Variants in SAMD5 observed in about 807,000 individuals in gnomAD.
The protein encoded by SAMD5 is sterile alpha motif domain-containing protein 5.
A neutral mutation model predicts 11.3 loss-of-function variants in SAMD5; 13 were observed. The observed-to-expected ratio is 1.15, with a 90% confidence interval of 0.75 to 1.83. The LOEUF (loss-of-function observed/expected upper bound fraction) is 1.83. Ranked by LOEUF, SAMD5 falls within the 40% of genes most tolerant of loss-of-function variation. The pLI, the probability that SAMD5 is intolerant of heterozygous loss-of-function variation, is 0.00. For synonymous variants in SAMD5, 129 were observed against 111.3 expected, an observed-to-expected ratio of 1.16 and a Z score of -1.00; for missense variants, 255 against 239.1, an observed-to-expected ratio of 1.07 and a Z score of -0.44.
chr6:147,848,040 T>C, the SAMD5 span, among the ~76,000 whole-genome samples: 1 of 152,304 alleles, frequency 6.6e-6, no homozygotes, highest in East Asian at 1.9e-4. Context: ...CATAAAATTA[T>C]TTTTCCATAA....
intron 1 of SAMD5, among the ~76,000 whole-genome samples, chr6:147,512,147 G>A (rs1260676950): frequency 3.3e-5 from 5 of 152,076 alleles, no homozygotes; most frequent in African/African-American, 1.2e-4. Flanking sequence ...TAGTAGAGAC[G>A]GGGTTTCACC....
At chr6:147,916,884 A>G in the SAMD5 span, among the ~76,000 whole-genome samples, 1 of 150,360 alleles carries the variant, frequency 6.7e-6, no homozygotes, top group African/African-American at 2.5e-5. Context: ...AAGGACATGA[A>G]CTCATCATTT....
the SAMD5 span, among the ~76,000 whole-genome samples, chr6:147,846,326 T>C: frequency 4.6e-5 from 7 of 152,294 alleles, no homozygotes; most frequent in South Asian, 1.5e-3. Context: ...GCCATGTATT[T>C]AATTAAATTG....
At chr6:147,940,325 AG>A in the SAMD5 span, among the ~76,000 whole-genome samples, 1 of 151,454 alleles carries the variant, frequency 6.6e-6, no homozygotes, top group African/African-American at 2.4e-5. Context: ...AATGTAGTTT[AG>A]GGGGTGGAAT....
At chr6:147,916,095 T>C in the SAMD5 span, among the ~76,000 whole-genome samples, 11 of 152,134 alleles carry the variant, frequency 7.2e-5, no homozygotes, top group African/African-American at 2.4e-4. Context: ...TCATTTTTTA[T>C]GGCTGCATAG....
At chr6:147,945,714 A>G in the SAMD5 span, among the ~76,000 whole-genome samples, 10 of 152,282 alleles carry the variant, frequency 6.6e-5, no homozygotes, top group African/African-American at 2.2e-4. Flanking sequence ...CAGGAACGTT[A>G]GCCCCACCTT....
the SAMD5 span, among the ~76,000 whole-genome samples, chr6:147,841,892 T>C: frequency 6.6e-6 from 1 of 152,082 alleles, no homozygotes; most frequent in Non-Finnish European, 1.5e-5. Context: ...CAAAAGACAA[T>C]GAACATGGCT....
chr6:147,795,346 C>G, the SAMD5 span, among the ~76,000 whole-genome samples: 28,918 of 132,112 alleles, frequency 0.22, 3,686 homozygotes, highest in African/African-American at 0.36. Context: ...ATAGTTTACT[C>G]AGAATGATGG....
chr6:147,681,847 TGAGGTGTTACAC>T (rs1463891683), intron 1 of SAMD5, among the ~76,000 whole-genome samples: 1 of 152,188 alleles, frequency 6.6e-6, no homozygotes, highest in Non-Finnish European at 1.5e-5. Flanking sequence ...CCATGAGCTA[TGAGGTGTTACAC>T]TCTGGCTGGT....
the SAMD5 span, among the ~76,000 whole-genome samples, chr6:147,867,609 C>T: frequency 2.1e-4 from 32 of 152,230 alleles, no homozygotes; most frequent in South Asian, 8.3e-4. Context: ...TGCAATCAGC[C>T]GAGGCCAAGG....
At chr6:147,780,012 T>C in the SAMD5 span, among the ~76,000 whole-genome samples, 7 of 152,112 alleles carry the variant, frequency 4.6e-5, no homozygotes, top group Non-Finnish European at 1.0e-4. Flanking sequence ...TCATAGAAAA[T>C]ATAAACACAT....
the SAMD5 span, among the ~76,000 whole-genome samples, chr6:147,904,704 G>A: frequency 1.3e-5 from 2 of 152,076 alleles, no homozygotes; most frequent in South Asian, 4.2e-4. Flanking sequence ...AGGAGCCTGG[G>A]ACTCTTGACT....
At chr6:147,681,692 T>C (rs1278036611) in intron 1 of SAMD5, among the ~76,000 whole-genome samples, 6 of 152,186 alleles carry the variant, frequency 3.9e-5, no homozygotes, top group Non-Finnish European at 8.8e-5. Flanking sequence ...TGGCATGCAA[T>C]TAAATTACTG....
intron 1 of SAMD5, among the ~76,000 whole-genome samples, chr6:147,542,579 G>A (rs1287597318): frequency 2.6e-5 from 4 of 152,162 alleles, no homozygotes; most frequent in African/African-American, 9.7e-5. Context: ...ATCATAGGAA[G>A]TTGAAGCTGT....
chr6:147,698,675 T>TAG, intron 1 of SAMD5, among the ~76,000 whole-genome samples: 1 of 152,320 alleles, frequency 6.6e-6, no homozygotes, highest in East Asian at 1.9e-4. Flanking sequence ...AGGCTAGAAG[T>TAG]TCTGGGAGTA....
chr6:147,586,503 T>G (rs532458449), intron 1 of SAMD5, among the ~76,000 whole-genome samples: 163 of 152,184 alleles, frequency 1.1e-3, no homozygotes, highest in Non-Finnish European at 1.9e-3. Context: ...TACGGAGAAA[T>G]TGTGGAATGG....
chr6:147,646,014 G>GTATC (rs1184365599), intron 1 of SAMD5, among the ~76,000 whole-genome samples: 4 of 55,438 alleles, frequency 7.2e-5, no homozygotes, highest in African/African-American at 1.4e-4. Flanking sequence ...GTCTGTCTAT[G>GTATC]TATCTATCTA....
chr6:147,868,987 G>A, the SAMD5 span, among the ~76,000 whole-genome samples: 1 of 152,174 alleles, frequency 6.6e-6, no homozygotes, highest in African/African-American at 2.4e-5. Context: ...GGAATTAAGA[G>A]CTTATTCCAT....
At chr6:147,646,788 A>C (rs2128452944) in intron 1 of SAMD5, among the ~76,000 whole-genome samples, 1 of 152,056 alleles carries the variant, frequency 6.6e-6, no homozygotes, top group South Asian at 2.1e-4. Flanking sequence ...ATTTTGTGTT[A>C]TATGTATTAC....
Sources: allele counts gnomAD v4.1 joint callset (sites outside exome capture counted in the v4.1 genomes callset), GRCh38; gene constraint gnomAD v4.1.1; transcripts MANE v1.5; gene names NCBI Gene and HGNC (gene_info 2026-07-23, HGNC 2026-07-21).